The following ZNF713 variants were observed in gnomAD, a reference collection of about 807,000 sequenced individuals.
ZNF713 encodes zinc finger protein 713.
In ZNF713, 21 loss-of-function variants were observed where a neutral mutation model predicts 28.7. The ratio of observed to expected loss-of-function variants is 0.73; its 90% confidence interval spans 0.52 to 1.05. The LOEUF (loss-of-function observed/expected upper bound fraction) is 1.05, where lower values mean the gene tolerates loss of function less well. Ranked by LOEUF, ZNF713 falls within the 50% of genes least tolerant of loss-of-function variation. The pLI is 0.00. For synonymous variants in ZNF713, 167 were observed against 178.0 expected, an observed-to-expected ratio of 0.94 and a Z score of 0.49; for missense variants, 458 against 532.4, an observed-to-expected ratio of 0.86 and a Z score of 1.37.
chr7:55,909,425 A>C (rs1785743819), intron 2 of ZNF713, among the ~76,000 whole-genome samples: 1 of 152,046 alleles, frequency 6.6e-6, no homozygotes, highest in Non-Finnish European at 1.5e-5. Flanking sequence ...GTACCATGCT[A>C]CTTTGTTTCC....
intron 6 of ZNF713, among the ~76,000 whole-genome samples, chr7:55,932,711 C>T (rs1433757360): frequency 3.4e-5 from 5 of 147,568 alleles, no homozygotes; most frequent in Admixed American, 6.8e-5. Flanking sequence ...GGTGAAACCC[C>T]GTCTCTACTA....
intron 4 of ZNF713, among the ~76,000 whole-genome samples, chr7:55,921,054 G>T (rs942144559): frequency 6.6e-6 from 1 of 152,082 alleles, no homozygotes; most frequent in South Asian, 2.1e-4. Flanking sequence ...GAAATCCAAG[G>T]TTCCTTAAGA....
At chr7:55,889,456 A>T (rs901258152) in intron 1 of ZNF713, among the ~76,000 whole-genome samples, 5 of 151,782 alleles carry the variant, frequency 3.3e-5, no homozygotes, top group South Asian at 4.2e-4. Flanking sequence ...AGAAAAGTTT[A>T]AAAAAAAATA....
intron 4 of ZNF713, among the ~76,000 whole-genome samples, chr7:55,915,497 A>G (rs1416697290): frequency 6.6e-6 from 1 of 152,240 alleles, no homozygotes; most frequent in Non-Finnish European, 1.5e-5. Flanking sequence ...TGCAAAAGAG[A>G]TGTGTTTTAA....
At chr7:55,887,716 C>CGGCG (rs1421527003) in intron 1 of ZNF713, 36 bp downstream of exon 1, 3 of 27,774 alleles carry the variant, frequency 1.1e-4, no homozygotes, top group South Asian at 8.3e-4. Flanking sequence ...AGGCGGGAGG[C>CGGCG]GGAGGCGGGG....
intron 6 of ZNF713, among the ~76,000 whole-genome samples, chr7:55,930,178 A>C (rs975147241): frequency 5.3e-5 from 8 of 152,304 alleles, no homozygotes; most frequent in South Asian, 2.1e-4. Flanking sequence ...TCTTAAAGGA[A>C]TCCAGATACA....
intron 4 of ZNF713, among the ~76,000 whole-genome samples, chr7:55,917,792 G>A (rs1388212463): frequency 1.3e-5 from 2 of 152,078 alleles, no homozygotes; most frequent in African/African-American, 2.4e-5. Flanking sequence ...GTGTTCATCT[G>A]TACTGCAAAC....
At chr7:55,926,736 G>T (rs148981293) in intron 6 of ZNF713, among the ~76,000 whole-genome samples, 2 of 152,238 alleles carry the variant, frequency 1.3e-5, no homozygotes, top group Non-Finnish European at 2.9e-5. Context: ...GTGACAGGGG[G>T]ATGATTGGAA....
chr7:55,931,741 T>C (rs979633023), intron 6 of ZNF713, among the ~76,000 whole-genome samples: 1 of 152,204 alleles, frequency 6.6e-6, no homozygotes, highest in Non-Finnish European at 1.5e-5. Context: ...GGGAAACATC[T>C]GCTTGGCAAG....
At chr7:55,912,250 T>C (rs1179261813) in intron 3 of ZNF713, among the ~76,000 whole-genome samples, 182 bp downstream of exon 3, 1 of 151,322 alleles carries the variant, frequency 6.6e-6, no homozygotes. Context: ...CCAGTAGTTC[T>C]CATCTACACT....
chr7:55,925,033 A>G (rs1400815077), intron 6 of ZNF713, among the ~76,000 whole-genome samples: 1 of 151,978 alleles, frequency 6.6e-6, no homozygotes, highest in Non-Finnish European at 1.5e-5. Context: ...AAAAATCCCA[A>G]CCACCTTAGT....
intron 6 of ZNF713, among the ~76,000 whole-genome samples, chr7:55,937,134 A>G (rs1009557867): frequency 5.9e-5 from 9 of 152,072 alleles, no homozygotes; most frequent in African/African-American, 2.2e-4. Context: ...CCCTGTCTCT[A>G]CTAAAAATAC....
intron 2 of ZNF713, among the ~76,000 whole-genome samples, chr7:55,909,908 C>CTT (rs1181225766): frequency 6.8e-6 from 1 of 146,120 alleles, no homozygotes; most frequent in African/African-American, 2.6e-5. Context: ...GATTCTTTTA[C>CTT]TTTTTTTCTT....
intron 6 of ZNF713, among the ~76,000 whole-genome samples, chr7:55,934,867 C>T (rs1239428061): frequency 6.6e-6 from 1 of 150,466 alleles, no homozygotes; most frequent in African/African-American, 2.4e-5. Context: ...TGTGCAAACC[C>T]TATGATCTGG....
chr7:55,927,896 C>CAAAAAAAAAAAAAAAAAA (rs71533249), intron 6 of ZNF713, among the ~76,000 whole-genome samples: 6 of 44,940 alleles, frequency 1.3e-4, no homozygotes, highest in Non-Finnish European at 1.1e-4. Flanking sequence ...GACTCTGTCT[C>CAAAAAAAAAAAAAAAAAA]AAAAAAAAAA....
At chr7:55,910,193 T>C (rs1785761608) in intron 2 of ZNF713, among the ~76,000 whole-genome samples, 1 of 152,084 alleles carries the variant, frequency 6.6e-6, no homozygotes, top group South Asian at 2.1e-4. Context: ...AAGTCATTTA[T>C]CAAATCTTTG....
chr7:55,905,376 C>G lies in ZNF713; in HGVS notation c.-582-877C>G, dbSNP rs143927308. ...TATTTTAAAATCACTACATTAGACT[C>G]ATTACTACACTAGTGTGTCTAATGC... On this transcript the variant is annotated intron_variant, in intron 1 of 6. Coordinates refer to ENST00000429591, the MANE Select transcript of ZNF713 (RefSeq NM_182633.3). Among the ~76,000 whole-genome samples the G allele has an allele frequency of 7.5e-4, 114 of 152,208 alleles. 1 individual carries two copies. The East Asian group carries it at 0.019, about 25-fold the overall frequency.
intron 1 of ZNF713, among the ~76,000 whole-genome samples, chr7:55,892,202 C>CG (rs1239683074): frequency 7.2e-6 from 1 of 139,586 alleles, no homozygotes; most frequent in African/African-American, 2.7e-5. Flanking sequence ...GGCGTGAACC[C>CG]GGGAGGCGGA....
At chr7:55,891,733 T>C (rs1274291420) in intron 1 of ZNF713, among the ~76,000 whole-genome samples, 3 of 151,404 alleles carry the variant, frequency 2.0e-5, no homozygotes, top group African/African-American at 7.3e-5. Context: ...TCTGAGTATA[T>C]AAACGCCTGC....
Sources: gnomAD v4.1 joint callset for allele counts (sites outside exome capture counted in the v4.1 genomes callset) on GRCh38, gnomAD v4.1.1 for gene constraint, MANE v1.5 for transcripts, NCBI Gene and HGNC (gene_info 2026-07-23, HGNC 2026-07-21) for gene names.